The following USH2A variants were observed in gnomAD, a reference collection of about 807,000 sequenced individuals.
USH2A encodes the protein Usher syndrome 2A (autosomal recessive, mild).
USH2A carries 443 observed loss-of-function variants against 538.9 expected under a neutral mutation model. The ratio of observed to expected loss-of-function variants is 0.82; its 90% CI spans 0.76 to 0.89. The LOEUF is 0.89. USH2A is among the 40% of genes least tolerant of loss of function. The pLI is 0.00. For synonymous variants in USH2A, 2,413 were observed against 2,273.5 expected, an observed-to-expected ratio of 1.06 and a Z score of -1.75; for missense variants, 6,633 against 6,324.8, an observed-to-expected ratio of 1.05 and a Z score of -1.65.
intron 21 of USH2A, among the ~76,000 whole-genome samples, chr1:216,102,538 G>T (rs1004801138): frequency 6.6e-6 from 1 of 152,060 alleles, no homozygotes; most frequent in Non-Finnish European, 1.5e-5. Context: ...AGTGGCTCAC[G>T]CCTGTAATCC....
At position 215,790,293 on chromosome 1, in the gene USH2A, A is replaced by C. The variant is rs116150014; in HGVS notation, c.9959-11T>G. On this transcript the variant is annotated splice_polypyrimidine_tract_variant and intron_variant, in intron 50 of 71. Transcript: ENST00000307340. ...CACAACAGAACATACCTGCAACAAT[A>C]AAATGTTATATATGAATATGAAATA... The C allele has an allele frequency of 1.2e-3, 1,923 of 1,612,948 alleles. 24 individuals are homozygous for C. The African/African-American group carries it at 0.023, about 19-fold the overall frequency.
chr1:215,704,457 T>C (rs952633103), intron 61 of USH2A, among the ~76,000 whole-genome samples: 1 of 152,214 alleles, frequency 6.6e-6, no homozygotes, highest in Admixed American at 6.5e-5. Flanking sequence ...TCCTAATGCA[T>C]TGACAGAGTC....
At chr1:216,070,393 A>G (rs1379786560) in intron 29 of USH2A, 101 bp from the exon 30 acceptor site, 2 of 1,040,846 alleles carry the variant, frequency 1.9e-6, no homozygotes. Context: ...AGACTCAACC[A>G]TTAGCATAAA....
intron 14 of USH2A, among the ~76,000 whole-genome samples, chr1:216,229,869 C>G (rs942197653): frequency 1.3e-5 from 2 of 151,846 alleles, no homozygotes; most frequent in African/African-American, 2.4e-5. Flanking sequence ...GGGAGAGGAA[C>G]AGAATGGGGT....
chr1:215,928,609 G>T (rs1571821354), intron 38 of USH2A, among the ~76,000 whole-genome samples: 1 of 151,968 alleles, frequency 6.6e-6, no homozygotes, highest in African/African-American at 2.4e-5. Context: ...AATTTGCTTT[G>T]GACAGTTTGA....
intron 33 of USH2A, among the ~76,000 whole-genome samples, chr1:215,999,269 G>C (rs955531991): frequency 3.9e-4 from 59 of 152,244 alleles, no homozygotes; most frequent in African/African-American, 1.4e-3. Context: ...CCTGCCATCT[G>C]GTTACCTGTA....
intron 30 of USH2A, among the ~76,000 whole-genome samples, chr1:216,066,674 C>T (rs565819726): frequency 2.7e-4 from 41 of 152,264 alleles, no homozygotes; most frequent in Middle Eastern, 3.4e-3. Context: ...AGTTGTATCT[C>T]ATTCTTATTT....
chr1:216,408,673 C>T (rs972233652), intron 3 of USH2A, among the ~76,000 whole-genome samples: 2 of 152,126 alleles, frequency 1.3e-5, no homozygotes, highest in African/African-American at 4.8e-5. Flanking sequence ...AAAAGAGGGA[C>T]TTTATGGCTT....
intron 3 of USH2A, among the ~76,000 whole-genome samples, chr1:216,407,196 C>A (rs1173407438): frequency 1.3e-5 from 2 of 152,048 alleles, no homozygotes; most frequent in African/African-American, 2.4e-5. Context: ...CCAATTATTT[C>A]TTTGTCCTTC....
intron 10 of USH2A, among the ~76,000 whole-genome samples, chr1:216,290,424 T>C (rs1471847864): frequency 1.3e-5 from 2 of 152,184 alleles, no homozygotes; most frequent in Non-Finnish European, 1.5e-5. Flanking sequence ...AATTAATGAA[T>C]ATTTATCGCG....
chr1:216,365,113 T>A, intron 3 of USH2A, 28 bp from the exon 4 acceptor site: 1 of 1,599,290 alleles, frequency 6.3e-7, no homozygotes, highest in Non-Finnish European at 8.5e-7. Context: ...CATTATTAGT[T>A]TAAGTGCATA....
intron 56 of USH2A, among the ~76,000 whole-genome samples, chr1:215,763,362 G>A (rs1661034690): frequency 6.6e-6 from 1 of 152,118 alleles, no homozygotes; most frequent in Admixed American, 6.6e-5. Context: ...GAGATGGGTA[G>A]GAAGTAGGTG....
intron 47 of USH2A, among the ~76,000 whole-genome samples, chr1:215,834,295 G>A (rs887642106): frequency 3.0e-4 from 45 of 152,142 alleles, no homozygotes; most frequent in Non-Finnish European, 1.6e-4. Flanking sequence ...TATCCAAACT[G>A]TGCACAAACT....
chr1:215,759,500 A>G (rs527707574), intron 57 of USH2A, among the ~76,000 whole-genome samples, 160 bp downstream of exon 57: 1 of 152,174 alleles, frequency 6.6e-6, no homozygotes, highest in Non-Finnish European at 1.5e-5. Flanking sequence ...TGAAGTCTAA[A>G]GACTGAATGA....
intron 4 of USH2A, among the ~76,000 whole-genome samples, chr1:216,338,217 T>G (rs1423978258): frequency 2.0e-5 from 3 of 151,452 alleles, no homozygotes; most frequent in African/African-American, 7.2e-5. Context: ...TAAGAAGGAA[T>G]CCACTGCAAG....
At chr1:216,377,839 GA>G (rs1446274672) in intron 3 of USH2A, among the ~76,000 whole-genome samples, 5 of 123,926 alleles carry the variant, frequency 4.0e-5, no homozygotes, top group Admixed American at 2.5e-4. Flanking sequence ...AAGAAAGAAA[GA>G]AAGAAAGAAA....
At chr1:216,192,865 C>T (rs2034748808) in intron 19 of USH2A, among the ~76,000 whole-genome samples, 1 of 152,002 alleles carries the variant, frequency 6.6e-6, no homozygotes, top group South Asian at 2.1e-4. Flanking sequence ...TAGTTCCACA[C>T]CATTAATAAT....
chr1:215,951,822 C>T (rs1313983529), intron 37 of USH2A, among the ~76,000 whole-genome samples: 5 of 151,818 alleles, frequency 3.3e-5, no homozygotes, highest in African/African-American at 9.7e-5. Flanking sequence ...CCTTCTTTGT[C>T]TCTTTTGATC....
chr1:216,318,152 T>C (rs1177643588), intron 9 of USH2A, among the ~76,000 whole-genome samples: 1 of 152,292 alleles, frequency 6.6e-6, no homozygotes, highest in Non-Finnish European at 1.5e-5. Flanking sequence ...ATATTTTCAG[T>C]CCTTACATTT....
Sources: gnomAD v4.1 joint callset for allele counts (sites outside exome capture counted in the v4.1 genomes callset) on GRCh38, gnomAD v4.1.1 for gene constraint, MANE v1.5 for transcripts, NCBI Gene and HGNC (gene_info 2026-07-23, HGNC 2026-07-21) for gene names.